The following DMC1 variants were observed in gnomAD, a reference collection of about 807,000 sequenced individuals.
DMC1 encodes the protein DNA meiotic recombinase 1, also known as meiotic recombination protein DMC1 homolog.
In DMC1, 27 loss-of-function variants were observed where a neutral mutation model predicts 50.1. That is an observed-to-expected ratio of 0.54 (90% CI 0.40 to 0.74). DMC1 has a LOEUF of 0.74. Among genes scored for constraint, DMC1 ranks in the 30% least tolerant of loss-of-function variants. DMC1 has a pLI of 0.00. For synonymous variants in DMC1, 148 were observed against 136.1 expected, an observed-to-expected ratio of 1.09 and a Z score of -0.61; for missense variants, 295 against 420.2, an observed-to-expected ratio of 0.70 and a Z score of 2.60.
At chr22:38,566,238 C>A (rs1309003615) in intron 4 of DMC1, among the ~76,000 whole-genome samples, 1 of 148,204 alleles carries the variant, frequency 6.7e-6, no homozygotes, top group South Asian at 2.1e-4. Context: ...CACGCCACTG[C>A]ACTCTGGCCT....
At chr22:38,562,812 C>T (rs1427781943) in intron 4 of DMC1, among the ~76,000 whole-genome samples, 3 of 151,398 alleles carry the variant, frequency 2.0e-5, no homozygotes, top group African/African-American at 4.9e-5. Context: ...TATACATATA[C>T]ATATATACAC....
At chr22:38,527,723 TAGTC>T in intron 12 of DMC1, among the ~76,000 whole-genome samples, 1 of 152,054 alleles carries the variant, frequency 6.6e-6, no homozygotes, top group East Asian at 1.9e-4. Context: ...TTTGCCATGT[TAGTC>T]AGGCTGGTCT....
chr22:38,566,730 C>A lies in DMC1; in HGVS notation c.103G>T (p.Ala35Ser), dbSNP rs1777874891. The part of the protein sequence containing the change: ...DLLQKHGINV[A>S]DIKKLKSVGI... ...ACTGATTTCAGTTTCTTAATGTCAGCCACGTTCTGTAAATTAAAGAATGGG... is the reference window on the plus strand; with the variant it reads ...ACTGATTTCAGTTTCTTAATGTCAGACACGTTCTGTAAATTAAAGAATGGG... Residue 35 changes from alanine to serine, a missense_variant, in exon 4 of 14, where the codon GCT becomes TCT. Physicochemically the swap from Ala to Ser is moderately conservative, Grantham distance 99 (BLOSUM62 1). Coordinates refer to ENST00000216024, the MANE Select transcript of DMC1 (RefSeq NM_007068.4). 1 of 1,613,766 alleles carries A rather than the reference C, an allele frequency of 6.2e-7. No homozygotes were observed. Among genetic ancestry groups the A allele is most frequent in the African/African-American group, 1.3e-5 (1 of 74,902 alleles).
downstream of DMC1, among the ~76,000 whole-genome samples, chr22:38,515,927 A>ATGTTTCTGTG (rs2089973940): frequency 6.6e-6 from 1 of 152,152 alleles, no homozygotes; most frequent in South Asian, 2.1e-4. Context: ...TGGTAACAGT[A>ATGTTTCTGTG]TGTTTCTGTG....
At chr22:38,563,702 A>ATT (rs771535595) in intron 4 of DMC1, among the ~76,000 whole-genome samples, 2 of 142,508 alleles carry the variant, frequency 1.4e-5, no homozygotes, top group African/African-American at 2.6e-5. Flanking sequence ...ATCTCCACAA[A>ATT]TTTTTTTTTT....
At chr22:38,559,220 G>A (rs1444696666) in intron 5 of DMC1, among the ~76,000 whole-genome samples, 1 of 151,972 alleles carries the variant, frequency 6.6e-6, no homozygotes, top group Non-Finnish European at 1.5e-5. Flanking sequence ...TAGTAGAGAC[G>A]GGGTTTCTCC....
intron 4 of DMC1, 69 bp from the exon 5 acceptor site, chr22:38,562,438 CA>C: frequency 9.4e-7 from 1 of 1,060,688 alleles, no homozygotes; most frequent in Non-Finnish European, 1.5e-6. Flanking sequence ...AAATGTTGCC[CA>C]AAATGATATA....
chr22:38,523,665 G>C lies in DMC1; in HGVS notation c.837-1941C>G, dbSNP rs1036894581. ...AAATTGTTTTTTCAGCTACGTGGGA[G>C]GCTGAGGCAGGAGAATCGCTTGAAC... On this transcript the variant is annotated intron_variant, in intron 12 of 13. Coordinates refer to ENST00000216024, the MANE Select transcript of DMC1 (RefSeq NM_007068.4). 2.0e-5 allele frequency among the ~76,000 whole-genome samples: 3 copies of C among 152,142 alleles called. No homozygotes were observed. In the East Asian group the frequency reaches 5.8e-4, roughly 29 times the overall value.
At chr22:38,550,143 T>A (rs1298531979) in intron 7 of DMC1, 146 bp from the exon 8 acceptor site, 2 of 640,212 alleles carry the variant, frequency 3.1e-6, no homozygotes, top group South Asian at 2.0e-5. Context: ...CAACATGTTA[T>A]ATTTTCATAT....
At chr22:38,537,892 C>A (rs1842479049) in intron 11 of DMC1, among the ~76,000 whole-genome samples, 2 of 152,058 alleles carry the variant, frequency 1.3e-5, no homozygotes, top group African/African-American at 4.8e-5. Context: ...TGCCTGTAAT[C>A]CCAGCACTTT....
intron 8 of DMC1, among the ~76,000 whole-genome samples, chr22:38,543,154 C>T (rs1331521731): frequency 1.3e-5 from 2 of 151,882 alleles, no homozygotes; most frequent in African/African-American, 4.8e-5. Flanking sequence ...GTAAAGATTT[C>T]TTGAGTAATA....
intron 7 of DMC1, among the ~76,000 whole-genome samples, chr22:38,551,024 T>C (rs1353997027): frequency 6.7e-6 from 1 of 149,918 alleles, no homozygotes; most frequent in Non-Finnish European, 1.5e-5. Context: ...GGGCGGATCA[T>C]GAGGTCAGGA....
rs533620408 is a variant in DMC1, at chr22:38,554,025, A to G, written c.380-1318T>C. Among the ~76,000 whole-genome samples, 8 of 150,468 alleles carry G rather than the reference A, an allele frequency of 5.3e-5. No individual in the cohort carries two copies. The East Asian group carries it at 1.6e-3, about 30-fold the overall frequency. The stretch of plus-strand genomic sequence containing the variant: ...CAGTTGCCTGTAATCCCAGCTACAC[A>G]GGAAGCTGAGGCAGAATTGCTTGAA... On this transcript the variant is annotated intron_variant, in intron 6 of 13. Transcript: ENST00000216024.
intron 5 of DMC1, among the ~76,000 whole-genome samples, 196 bp downstream of exon 5, chr22:38,562,091 G>T (rs2090533134): frequency 6.6e-6 from 1 of 151,924 alleles, no homozygotes; most frequent in Non-Finnish European, 1.5e-5. Context: ...TGAATTTCTT[G>T]TAAGACATTT....
chr22:38,567,138 A>G, intron 3 of DMC1, among the ~76,000 whole-genome samples: 1 of 152,088 alleles, frequency 6.6e-6, no homozygotes, highest in East Asian at 1.9e-4. Flanking sequence ...CTGCCCCTGG[A>G]GAATGCAAAT....
At chr22:38,561,788 A>T (rs988799105) in intron 5 of DMC1, among the ~76,000 whole-genome samples, 1 of 152,172 alleles carries the variant, frequency 6.6e-6, no homozygotes, top group African/African-American at 2.4e-5. Flanking sequence ...TCTTTCTAGT[A>T]AGGTAGGGAG....
chr22:38,540,138 CT>C (rs1030266690), intron 8 of DMC1, among the ~76,000 whole-genome samples: 5 of 151,238 alleles, frequency 3.3e-5, no homozygotes, highest in South Asian at 2.1e-4. Flanking sequence ...GAGTTGTTAG[CT>C]TTTTTTTTGT....
chr22:38,545,514 G>A (rs60895776), intron 8 of DMC1, among the ~76,000 whole-genome samples: 27 of 152,024 alleles, frequency 1.8e-4, no homozygotes, highest in Non-Finnish European at 2.1e-4. Context: ...GCTCCGCCTC[G>A]CGGGTTCACA....
intron 12 of DMC1, among the ~76,000 whole-genome samples, chr22:38,529,144 G>T (rs2090128494): frequency 6.6e-6 from 1 of 152,054 alleles, no homozygotes; most frequent in South Asian, 2.1e-4. Flanking sequence ...CCAAGTAGCT[G>T]GGACTACAGG....
Sources: allele counts gnomAD v4.1 joint callset (sites outside exome capture counted in the v4.1 genomes callset), GRCh38; gene constraint gnomAD v4.1.1; transcripts MANE v1.5; gene names NCBI Gene and HGNC (gene_info 2026-07-23, HGNC 2026-07-21).